Variants in LRFN5 observed in about 807,000 individuals in gnomAD.
LRFN5 encodes the protein leucine rich repeat and fibronectin type III domain containing 5.
A neutral mutation model predicts 45.6 loss-of-function variants in LRFN5; 24 were observed. The ratio of observed to expected loss-of-function variants is 0.53; its 90% CI spans 0.38 to 0.74. LRFN5 has a LOEUF of 0.74. Ranked by LOEUF, LRFN5 falls within the 30% of genes least tolerant of loss-of-function variation. The pLI, the probability that LRFN5 is intolerant of heterozygous loss-of-function variation, is 0.00. For synonymous variants in LRFN5, 340 were observed against 313.8 expected (o/e 1.08, Z -0.88); for missense variants, 776 against 861.5 (o/e 0.90, Z 1.24).
At position 41,805,390 on chromosome 14, in the gene LRFN5, T is replaced by TTTTATTTATTTA. The variant is rs60289355; in HGVS notation, c.-21+38384_-21+38395dup. On this transcript the variant is annotated intron_variant, in intron 2 of 5. Transcript: ENST00000298119. ...TCAGGGCATACTTACATAAGTTTTA[T>TTTTATTTATTTA]TTTATTTATTTATTTATTTATTTAT... Among the ~76,000 whole-genome samples the TTTTATTTATTTA allele has an allele frequency of 6.0e-3, 883 of 146,136 alleles. 15 individuals are homozygous for TTTTATTTATTTA. The highest frequency in any genetic ancestry group is 0.026 in the Admixed American group (380 of 14,590).
chr14:41,752,647 G>T (rs545390465), intron 1 of LRFN5, among the ~76,000 whole-genome samples: 9 of 152,226 alleles, frequency 5.9e-5, no homozygotes, highest in African/African-American at 1.9e-4. Context: ...TCAGTTCATT[G>T]TAGATTCTGG....
At chr14:41,765,773 C>G (rs1053308837) in intron 1 of LRFN5, among the ~76,000 whole-genome samples, 5 of 152,066 alleles carry the variant, frequency 3.3e-5, no homozygotes, top group African/African-American at 1.2e-4. Context: ...AATATATAAG[C>G]TATAATTTAC....
chr14:41,693,255 AG>A (rs1882459916), intron 1 of LRFN5, among the ~76,000 whole-genome samples: 1 of 152,124 alleles, frequency 6.6e-6, no homozygotes, highest in Non-Finnish European at 1.5e-5. Context: ...ATGAAAAATC[AG>A]TGTGGCAGTT....
At chr14:41,882,739 T>C (rs1205250087) in intron 2 of LRFN5, among the ~76,000 whole-genome samples, 1 of 151,940 alleles carries the variant, frequency 6.6e-6, no homozygotes, top group Non-Finnish European at 1.5e-5. Flanking sequence ...AGAAGTTTGG[T>C]AAAATATAGG....
At chr14:41,639,974 T>A (rs1014550194) in intron 1 of LRFN5, among the ~76,000 whole-genome samples, 160 of 145,688 alleles carry the variant, frequency 1.1e-3, no homozygotes, top group African/African-American at 3.9e-3. Context: ...TTTTTTTTTT[T>A]TTTTATTTAC....
chr14:41,794,213 A>AC (rs1437557048), intron 2 of LRFN5, among the ~76,000 whole-genome samples: 1 of 151,942 alleles, frequency 6.6e-6, no homozygotes, highest in East Asian at 1.9e-4. Flanking sequence ...TGTCATCCAT[A>AC]CCCCCATTTG....
intron 2 of LRFN5, among the ~76,000 whole-genome samples, chr14:41,864,283 C>T (rs567964207): frequency 4.6e-5 from 7 of 152,262 alleles, no homozygotes; most frequent in East Asian, 3.9e-4. Context: ...TTTACACTCC[C>T]GCCAACCGTG....
At chr14:41,669,140 A>AC (rs1881043512) in intron 1 of LRFN5, among the ~76,000 whole-genome samples, 1 of 152,094 alleles carries the variant, frequency 6.6e-6, no homozygotes, top group African/African-American at 2.4e-5. Context: ...TATAGCTGAA[A>AC]CCATAAACCA....
At chr14:41,609,804 T>TG (rs1180735793) in intron 1 of LRFN5, among the ~76,000 whole-genome samples, 1 of 152,138 alleles carries the variant, frequency 6.6e-6, no homozygotes, top group African/African-American at 2.4e-5. Flanking sequence ...CTGGGGCTGC[T>TG]GGGGGGCGGG....
chr14:41,649,198 G>A (rs1743557549), intron 1 of LRFN5, among the ~76,000 whole-genome samples: 1 of 151,990 alleles, frequency 6.6e-6, no homozygotes, highest in African/African-American at 2.4e-5. Flanking sequence ...TTGCGCCACT[G>A]CACTTCAACC....
At chr14:41,721,605 A>T (rs1883716309) in intron 1 of LRFN5, among the ~76,000 whole-genome samples, 1 of 152,134 alleles carries the variant, frequency 6.6e-6, no homozygotes, top group Admixed American at 6.5e-5. Flanking sequence ...CTAGAAAAAA[A>T]ATGTATCTCC....
chr14:41,621,572 G>T (rs894267843), intron 1 of LRFN5, among the ~76,000 whole-genome samples: 4 of 152,132 alleles, frequency 2.6e-5, no homozygotes, highest in African/African-American at 9.7e-5. Context: ...TCCCGAGCTT[G>T]TTGGAGTTCA....
intron 2 of LRFN5, among the ~76,000 whole-genome samples, chr14:41,861,521 A>C (rs375600627): frequency 2.0e-5 from 3 of 152,146 alleles, no homozygotes; most frequent in African/African-American, 7.2e-5. Context: ...ATTTTAGCAA[A>C]TATTATGCTG....
chr14:41,665,231 T>G (rs1316144855), intron 1 of LRFN5, among the ~76,000 whole-genome samples: 1 of 152,046 alleles, frequency 6.6e-6, no homozygotes, highest in African/African-American at 2.4e-5. Flanking sequence ...GATATAAGAC[T>G]AATGACCCAC....
intron 1 of LRFN5, among the ~76,000 whole-genome samples, chr14:41,703,442 A>AT (rs2138729244): frequency 6.6e-6 from 1 of 152,072 alleles, no homozygotes; most frequent in African/African-American, 2.4e-5. Context: ...TGCATTAATT[A>AT]TTCCATTCTG....
At chr14:41,735,705 A>G (rs534322051) in intron 1 of LRFN5, among the ~76,000 whole-genome samples, 77 of 152,126 alleles carry the variant, frequency 5.1e-4, no homozygotes, top group Non-Finnish European at 1.0e-3. Flanking sequence ...AGCTGTATCT[A>G]TCAACCCTTC....
chr14:41,709,755 G>T (rs1407293704), intron 1 of LRFN5, among the ~76,000 whole-genome samples: 1 of 151,842 alleles, frequency 6.6e-6, no homozygotes, highest in African/African-American at 2.4e-5. Flanking sequence ...AAATATAAAA[G>T]ATAATATAAG....
chr14:41,779,346 AT>A (rs1480333993), intron 2 of LRFN5, among the ~76,000 whole-genome samples: 3 of 151,730 alleles, frequency 2.0e-5, no homozygotes, highest in African/African-American at 7.2e-5. Context: ...ATGGTGTATA[AT>A]TTTTCATCCA....
At chr14:41,692,576 C>A (rs1882426739) in intron 1 of LRFN5, among the ~76,000 whole-genome samples, 2 of 152,092 alleles carry the variant, frequency 1.3e-5, no homozygotes, top group African/African-American at 4.8e-5. Flanking sequence ...TTCCCCCACA[C>A]CACAACAGGC....
Sources: gnomAD v4.1 joint callset for allele counts (sites outside exome capture counted in the v4.1 genomes callset) on GRCh38, gnomAD v4.1.1 for gene constraint, MANE v1.5 for transcripts, NCBI Gene and HGNC (gene_info 2026-07-23, HGNC 2026-07-21) for gene names.